Variants in TCF7L1 observed in about 807,000 individuals in gnomAD.
The protein encoded by TCF7L1 is transcription factor 7-like 1.
Under a neutral mutation model 63.7 loss-of-function variants are expected in TCF7L1, and 18 were observed. The ratio of observed to expected loss-of-function variants is 0.28; its 90% CI spans 0.20 to 0.42. The LOEUF (loss-of-function observed/expected upper bound fraction) is 0.42, where lower values mean the gene tolerates loss of function less well. Among genes scored for constraint, TCF7L1 ranks in the 10% least tolerant of loss-of-function variants. TCF7L1 has a pLI of 1.00. For missense variants in TCF7L1, 654 were observed against 779.3 expected, an observed-to-expected ratio of 0.84 and a Z score of 1.91; for synonymous variants, 355 against 340.9, an observed-to-expected ratio of 1.04 and a Z score of -0.46.
chr2:85,170,018 A>G (rs1161965193), intron 3 of TCF7L1, among the ~76,000 whole-genome samples: 1 of 152,248 alleles, frequency 6.6e-6, no homozygotes, highest in East Asian at 1.9e-4. Flanking sequence ...TTGATATCGC[A>G]TAAACCTGCG....
At chr2:85,155,383 A>G (rs1558618483) in intron 3 of TCF7L1, among the ~76,000 whole-genome samples, 1 of 152,214 alleles carries the variant, frequency 6.6e-6, no homozygotes, top group Non-Finnish European at 1.5e-5. Context: ...CGGTCTTCAC[A>G]ATAAATCTTG....
chr2:85,193,275 C>T (rs1679079884), intron 3 of TCF7L1, among the ~76,000 whole-genome samples: 1 of 152,198 alleles, frequency 6.6e-6, no homozygotes, highest in African/African-American at 2.4e-5. Context: ...GCTCTTTCCA[C>T]AGCTGAGGAG....
chr2:85,274,012 G>T (rs1270362144), intron 3 of TCF7L1, among the ~76,000 whole-genome samples: 1 of 152,190 alleles, frequency 6.6e-6, no homozygotes, highest in Non-Finnish European at 1.5e-5. Context: ...CTCACCTGAG[G>T]GCCTGAGGGG....
intron 3 of TCF7L1, among the ~76,000 whole-genome samples, chr2:85,270,534 G>A (rs1406529368): frequency 6.6e-6 from 1 of 152,208 alleles, no homozygotes; most frequent in Non-Finnish European, 1.5e-5. Context: ...TCAACTGTTA[G>A]TAGCTGCCTC....
At chr2:85,179,938 G>A (rs1678762036) in intron 3 of TCF7L1, among the ~76,000 whole-genome samples, 1 of 152,188 alleles carries the variant, frequency 6.6e-6, no homozygotes, top group Non-Finnish European at 1.5e-5. Flanking sequence ...TTCTCTGGGT[G>A]CCTTTCTGTA....
At chr2:85,207,255 C>T (rs915354937) in intron 3 of TCF7L1, among the ~76,000 whole-genome samples, 2 of 152,178 alleles carry the variant, frequency 1.3e-5, no homozygotes, top group Non-Finnish European at 2.9e-5. Context: ...CTACCATGCA[C>T]ACAAAGCAGT....
chr2:85,200,578 A>G (rs1679250554), intron 3 of TCF7L1, among the ~76,000 whole-genome samples: 2 of 152,232 alleles, frequency 1.3e-5, no homozygotes, highest in Non-Finnish European at 2.9e-5. Context: ...AATTTCTGGT[A>G]CATATCAAGC....
At chr2:85,151,670 C>T (rs1678019254) in intron 3 of TCF7L1, among the ~76,000 whole-genome samples, 1 of 152,220 alleles carries the variant, frequency 6.6e-6, no homozygotes, top group South Asian at 2.1e-4. Context: ...AAACTAGAGT[C>T]TACAGGCTGA....
chr2:85,291,993 A>AT (rs1167747216), intron 4 of TCF7L1, among the ~76,000 whole-genome samples: 7 of 13,836 alleles, frequency 5.1e-4, no homozygotes, highest in Non-Finnish European at 5.9e-4. Flanking sequence ...GGTCATATGT[A>AT]TTTTTTTTTT....
chr2:85,217,932 C>CAA (rs1679747841), intron 3 of TCF7L1, among the ~76,000 whole-genome samples: 1 of 152,124 alleles, frequency 6.6e-6, no homozygotes, highest in South Asian at 2.1e-4. Flanking sequence ...TCAACTTGTA[C>CAA]TAGCATTAAA....
In TCF7L1 at chr2:85,307,722, G is replaced by A. The variant is rs1394867223; in HGVS notation, c.1333+5G>A. 1.2e-6 allele frequency: 2 copies of A among 1,612,934 alleles called. No homozygotes were observed. The highest frequency in any genetic ancestry group is 1.7e-5 in the Admixed American group (1 of 60,018). On this transcript the variant is annotated splice_donor_5th_base_variant and intron_variant, in intron 11 of 11. Coordinates refer to ENST00000282111, the MANE Select transcript of TCF7L1 (RefSeq NM_031283.3). Reference sequence around the variant, plus strand: ...AGCAAGTCCAGGAGGCAGAGGGTGCGTCTCGGGGCACTGGCCTCTTCTCCT... The same window carrying A: ...AGCAAGTCCAGGAGGCAGAGGGTGCATCTCGGGGCACTGGCCTCTTCTCCT...
chr2:85,263,932 A>G (rs1457565017), intron 3 of TCF7L1, among the ~76,000 whole-genome samples: 1 of 152,180 alleles, frequency 6.6e-6, no homozygotes, highest in African/African-American at 2.4e-5. Flanking sequence ...GACCTGGAAG[A>G]TGACATTGGG....
chr2:85,187,109 GAACGTC>G (rs1422193986), intron 3 of TCF7L1: 2 of 152,186 alleles, frequency 1.3e-5, no homozygotes, highest in Non-Finnish European at 2.9e-5. Context: ...GAACTTGTCA[GAACGTC>G]ATCTTTTTCC....
chr2:85,262,356 G>A, intron 3 of TCF7L1: 14 of 426,718 alleles, frequency 3.3e-5, no homozygotes, highest in Middle Eastern at 3.8e-4. Flanking sequence ...CTGCCTCTGA[G>A]AGCAACTTCC....
intron 3 of TCF7L1, among the ~76,000 whole-genome samples, chr2:85,261,611 G>T (rs891420800): frequency 2.0e-5 from 3 of 152,204 alleles, no homozygotes; most frequent in Non-Finnish European, 4.4e-5. Flanking sequence ...CTAAAAAGAA[G>T]CCAAGCGTGG....
intron 3 of TCF7L1, among the ~76,000 whole-genome samples, chr2:85,246,497 C>G (rs1680467231): frequency 6.6e-6 from 1 of 152,176 alleles, no homozygotes; most frequent in Non-Finnish European, 1.5e-5. Context: ...CAAAATAGTT[C>G]TAAGAATTAA....
At chr2:85,149,461 T>C (rs1240144901) in intron 3 of TCF7L1, among the ~76,000 whole-genome samples, 1 of 152,178 alleles carries the variant, frequency 6.6e-6, no homozygotes, top group Non-Finnish European at 1.5e-5. Context: ...ATAATTTCAG[T>C]CACAGAAAAT....
intron 3 of TCF7L1, among the ~76,000 whole-genome samples, chr2:85,140,293 G>A (rs1442343584): frequency 3.9e-5 from 6 of 152,154 alleles, no homozygotes; most frequent in Middle Eastern, 6.3e-3. Flanking sequence ...AGGAACCCTC[G>A]GTTTCATTGG....
In TCF7L1 at chr2:85,305,462, C is replaced by G. The variant is rs114414171; in HGVS notation, c.989+59C>G. The G allele has an allele frequency of 9.9e-4, 1,528 of 1,550,160 alleles. 14 individuals carry two copies. The African/African-American group carries it at 0.017, about 18-fold the overall frequency. On this transcript the variant is annotated intron_variant, in intron 8 of 11. Transcript: ENST00000282111. ...GGTGCAGGCTGTGGGGAGGGGTGGC[C>G]ACACTCTGAGCAGCAAATGTCATGT... is the stretch of plus-strand genomic sequence containing the variant.
Sources: gnomAD v4.1 joint callset for allele counts (sites outside exome capture counted in the v4.1 genomes callset) on GRCh38, gnomAD v4.1.1 for gene constraint, MANE v1.5 for transcripts, NCBI Gene and HGNC (gene_info 2026-07-23, HGNC 2026-07-21) for gene names.